ALK: variants seen among roughly 807,000 people sequenced by gnomAD.
ALK encodes the protein ALK receptor tyrosine kinase, also known as ALK tyrosine kinase receptor.
A neutral mutation model predicts 163.1 loss-of-function variants in ALK; 74 were observed. The observed-to-expected ratio is 0.45, with a 90% CI of 0.38 to 0.55. ALK has a LOEUF of 0.55. ALK is among the 20% of genes least tolerant of loss of function. The probability of loss-of-function intolerance (pLI) is 0.00; values close to 1 mark genes in which losing one functional copy is unlikely to be tolerated. For synonymous variants in ALK, 960 were observed against 843.2 expected, an observed-to-expected ratio of 1.14 and a Z score of -2.40; for missense variants, 2,063 against 2,105.3, an observed-to-expected ratio of 0.98 and a Z score of 0.39.
chr2:29,696,643 T>C (rs1160074467), intron 2 of ALK, among the ~76,000 whole-genome samples: 1 of 151,650 alleles, frequency 6.6e-6, no homozygotes, highest in African/African-American at 2.4e-5. Flanking sequence ...CAGTGGCCCC[T>C]GTCACCTTTA....
chr2:29,749,317 T>C (rs997811568), intron 1 of ALK, among the ~76,000 whole-genome samples: 14 of 152,064 alleles, frequency 9.2e-5, no homozygotes, highest in African/African-American at 2.7e-4. Context: ...AGATGAAAGG[T>C]AACCTTTTAA....
At chr2:29,251,897 GGCCT>G (rs1182452692) in intron 11 of ALK, among the ~76,000 whole-genome samples, 1 of 152,222 alleles carries the variant, frequency 6.6e-6, no homozygotes, top group Non-Finnish European at 1.5e-5. Context: ...GCCATGGCTT[GGCCT>G]GCCTGTCAGA....
At chr2:29,279,004 A>G (rs13007892) in intron 9 of ALK, among the ~76,000 whole-genome samples, 7,911 of 152,092 alleles carry the variant, frequency 0.052, 244 homozygotes, top group South Asian at 0.1. Flanking sequence ...AATCGCGGCT[A>G]TCCTCTAAAT....
chr2:29,782,423 TC>T (rs1371165539), intron 1 of ALK, among the ~76,000 whole-genome samples: 2 of 152,064 alleles, frequency 1.3e-5, no homozygotes, highest in African/African-American at 4.8e-5. Context: ...CCCTCACACT[TC>T]CAGGGGCTGC....
intron 1 of ALK, among the ~76,000 whole-genome samples, chr2:29,760,607 T>TA (rs1463485312): frequency 6.6e-6 from 1 of 152,194 alleles, no homozygotes; most frequent in Non-Finnish European, 1.5e-5. Context: ...CTTTGCTAAC[T>TA]AGTTGATCAA....
chr2:29,540,138 A>G (rs1673373810), intron 3 of ALK, among the ~76,000 whole-genome samples: 1 of 152,198 alleles, frequency 6.6e-6, no homozygotes, highest in South Asian at 2.1e-4. Context: ...TGAGGAATTT[A>G]GATTGGCTTT....
chr2:29,554,204 T>A (rs1673786558), intron 3 of ALK, among the ~76,000 whole-genome samples: 1 of 152,184 alleles, frequency 6.6e-6, no homozygotes, highest in Non-Finnish European at 1.5e-5. Context: ...GGCTGGAAAT[T>A]TTAAGCATAA....
In ALK at chr2:29,560,584, C is replaced by CT. The variant is rs574268570; in HGVS notation, c.953-28469dup. Among the ~76,000 whole-genome samples the CT allele has an allele frequency of 4.3e-4, 64 of 149,202 alleles. No homozygotes were observed. In the East Asian group the frequency reaches 8.8e-3, roughly 21 times the overall value. ...TTCTTCCTTCCTTCTTTCTTTTTTT[C>CT]TTTTTTTGGCAGGATCTTGCTCTGT... On this transcript the variant is annotated intron_variant, in intron 3 of 28. Coordinates refer to ENST00000389048, the MANE Select transcript of ALK (RefSeq NM_004304.5).
At chr2:29,307,513 C>A (rs1001519338) in intron 8 of ALK, among the ~76,000 whole-genome samples, 7 of 152,186 alleles carry the variant, frequency 4.6e-5, no homozygotes, top group African/African-American at 1.7e-4. Flanking sequence ...TCAGGAACAT[C>A]TCTGTATGGG....
intron 4 of ALK, among the ~76,000 whole-genome samples, chr2:29,444,405 C>G (rs1027981270): frequency 6.6e-6 from 1 of 152,114 alleles, no homozygotes; most frequent in Non-Finnish European, 1.5e-5. Flanking sequence ...ATGTTGGGAG[C>G]TAGGTCAGCC....
chr2:29,547,943 G>A lies in ALK; in HGVS notation c.953-15827C>T, dbSNP rs189989721. 2.0e-4 allele frequency among the ~76,000 whole-genome samples: 31 copies of A among 152,266 alleles called. No individual in the cohort carries two copies. The East Asian group carries it at 3.3e-3, about 16-fold the overall frequency. On this transcript the variant is annotated intron_variant, in intron 3 of 28. Coordinates refer to ENST00000389048, the MANE Select transcript of ALK (RefSeq NM_004304.5). Reference sequence around the variant, plus strand: ...TTAGTGAAAATATATCTTAAATATCGCATGAGACATGCTTATGCTAAAAAA... The same window carrying A: ...TTAGTGAAAATATATCTTAAATATCACATGAGACATGCTTATGCTAAAAAA...
intron 1 of ALK, among the ~76,000 whole-genome samples, chr2:29,764,786 C>G (rs1258512446): frequency 1.3e-5 from 2 of 152,184 alleles, no homozygotes; most frequent in African/African-American, 4.8e-5. Flanking sequence ...GCCCCATTTT[C>G]ATGAAATCTG....
At chr2:29,391,639 C>T (rs1247693316) in intron 4 of ALK, among the ~76,000 whole-genome samples, 1 of 152,050 alleles carries the variant, frequency 6.6e-6, no homozygotes, top group African/African-American at 2.4e-5. Flanking sequence ...CTAACTTCCC[C>T]TTTTTTTCTC....
chr2:29,277,808 C>T (rs1665586255), intron 9 of ALK, among the ~76,000 whole-genome samples: 1 of 152,242 alleles, frequency 6.6e-6, no homozygotes, highest in Non-Finnish European at 1.5e-5. Context: ...GCCCCTGCCA[C>T]TCTGGCACTG....
At chr2:29,311,819 G>A (rs1666704174) in intron 8 of ALK, among the ~76,000 whole-genome samples, 1 of 152,158 alleles carries the variant, frequency 6.6e-6, no homozygotes, top group African/African-American at 2.4e-5. Flanking sequence ...GTGGGGGAAG[G>A]CCCCTCTGTA....
intron 1 of ALK, among the ~76,000 whole-genome samples, chr2:29,821,516 C>A (rs1441771106): frequency 6.6e-6 from 1 of 152,046 alleles, no homozygotes; most frequent in Non-Finnish European, 1.5e-5. Flanking sequence ...AGGTGCAATC[C>A]CTGAAATTCA....
chr2:29,850,707 C>G (rs562626281), intron 1 of ALK, among the ~76,000 whole-genome samples: 9 of 152,326 alleles, frequency 5.9e-5, no homozygotes, highest in Non-Finnish European at 5.9e-5. Context: ...GTTGTACCAT[C>G]TGGTCTCAGC....
intron 1 of ALK, among the ~76,000 whole-genome samples, chr2:29,745,250 A>T (rs190974447): frequency 1.3e-5 from 2 of 152,256 alleles, no homozygotes; most frequent in African/African-American, 2.4e-5. Context: ...ATTTGCCTAA[A>T]CTCACTGAAT....
chr2:29,442,607 G>A (rs1670574428), intron 4 of ALK, among the ~76,000 whole-genome samples: 1 of 152,106 alleles, frequency 6.6e-6, no homozygotes, highest in African/African-American at 2.4e-5. Context: ...TAAAAATGGG[G>A]ATGTAGTACA....
Sources: allele counts gnomAD v4.1 joint callset (sites outside exome capture counted in the v4.1 genomes callset), GRCh38; gene constraint gnomAD v4.1.1; transcripts MANE v1.5; gene names NCBI Gene and HGNC (gene_info 2026-07-23, HGNC 2026-07-21).